The following FAM20A variants were observed in gnomAD, a reference collection of about 807,000 sequenced individuals.
FAM20A encodes FAM20A golgi associated secretory pathway pseudokinase, also known as pseudokinase FAM20A.
FAM20A carries 42 observed loss-of-function variants against 52.0 expected under a neutral mutation model. The ratio of observed to expected loss-of-function variants is 0.81; its 90% CI spans 0.63 to 1.04. The LOEUF (loss-of-function observed/expected upper bound fraction) is 1.04, where lower values mean the gene tolerates loss of function less well. FAM20A is among the 50% of genes least tolerant of loss of function. The pLI, the probability that FAM20A is intolerant of heterozygous loss-of-function variation, is 0.00. For missense variants in FAM20A, 742 were observed against 712.7 expected, an observed-to-expected ratio of 1.04 and a Z score of -0.47; for synonymous variants, 304 against 298.9, an observed-to-expected ratio of 1.02 and a Z score of -0.18.
intron 1 of FAM20A, among the ~76,000 whole-genome samples, chr17:68,575,745 T>C (rs2087743089): frequency 1.5e-5 from 2 of 129,752 alleles, no homozygotes; most frequent in Non-Finnish European, 3.1e-5. Flanking sequence ...ATATATTTTA[T>C]ATATTATATA....
chr17:68,594,911 G>A (rs1358982431), intron 1 of FAM20A, among the ~76,000 whole-genome samples: 3 of 152,170 alleles, frequency 2.0e-5, no homozygotes, highest in East Asian at 3.9e-4. Flanking sequence ...TAACTGGTAC[G>A]GGGCCTTAAT....
chr17:68,553,107 G>A (rs1265184225), intron 3 of FAM20A, among the ~76,000 whole-genome samples: 1 of 152,186 alleles, frequency 6.6e-6, no homozygotes, highest in East Asian at 1.9e-4. Flanking sequence ...TGCTGTGAGA[G>A]GTGGTTGGAT....
Position 68,548,725 on chromosome 17 carries a change from ATTTTTTT to A in FAM20A, c.719+3141_719+3147del, listed in dbSNP as rs753348891. Among the ~76,000 whole-genome samples the A allele has an allele frequency of 1.9e-4, 15 of 79,180 alleles. No homozygotes were observed. In the South Asian group the frequency reaches 6.5e-3, roughly 34 times the overall value. 51.9% of individuals were successfully genotyped at this position (79,180 alleles called of 152,430 possible). A position where few individuals can be genotyped will look rare whatever the true frequency, so the allele number is the denominator to read the frequency against. On this transcript the variant is annotated intron_variant, in intron 4 of 10. Coordinates refer to ENST00000592554, the MANE Select transcript of FAM20A (RefSeq NM_017565.4). ...CAGATACAGCGAGCTATGCCTGTAT[ATTTTTTT>A]TTTTTTTTTTTTTTTTTTGAGACAG...
intron 1 of FAM20A, among the ~76,000 whole-genome samples, chr17:68,580,884 T>G (rs1343766516): frequency 6.6e-6 from 1 of 152,130 alleles, no homozygotes; most frequent in Non-Finnish European, 1.5e-5. Flanking sequence ...GGGAACCAGA[T>G]ATAGGCAGCA....
Position 68,544,465 on chromosome 17 carries a change from C to T in FAM20A, c.720-744G>A, listed in dbSNP as rs551091182. On this transcript the variant is annotated intron_variant, in intron 4 of 10. Coordinates refer to ENST00000592554, the MANE Select transcript of FAM20A (RefSeq NM_017565.4). ...CCTCTAGGCTGACTTTGCCTCGAGGCTAATAAACATGGAAGAATGATGATC... is the reference window on the plus strand; with the variant it reads ...CCTCTAGGCTGACTTTGCCTCGAGGTTAATAAACATGGAAGAATGATGATC... Among the ~76,000 whole-genome samples the T allele has an allele frequency of 1.2e-4, 19 of 152,116 alleles. No individual in the cohort carries two copies. In the South Asian group the frequency reaches 2.3e-3, roughly 18 times the overall value.
At chr17:68,580,225 T>C (rs2087902164) in intron 1 of FAM20A, among the ~76,000 whole-genome samples, 2 of 152,216 alleles carry the variant, frequency 1.3e-5, no homozygotes, top group African/African-American at 4.8e-5. Flanking sequence ...AAGAATTTAA[T>C]TTGAATTTCC....
chr17:68,542,660 C>T, intron 6 of FAM20A, 34 bp downstream of exon 6: 1 of 1,545,976 alleles, frequency 6.5e-7, no homozygotes, highest in Non-Finnish European at 8.9e-7. Context: ...ACGATCTACT[C>T]AGACCCGGAA....
chr17:68,553,523 G>A (rs1341059870), intron 3 of FAM20A, among the ~76,000 whole-genome samples: 1 of 152,076 alleles, frequency 6.6e-6, no homozygotes, highest in African/African-American at 2.4e-5. Context: ...TTAGGGTCCA[G>A]ACCCACCTAT....
At chr17:68,558,834 C>A (rs1370923914) in intron 1 of FAM20A, among the ~76,000 whole-genome samples, 1 of 152,126 alleles carries the variant, frequency 6.6e-6, no homozygotes, top group African/African-American at 2.4e-5. Flanking sequence ...TCTTGGCTCA[C>A]TGCAACCTCT....
At position 68,537,041 on chromosome 17, in the gene FAM20A, C is replaced by T; in HGVS notation, c.*436G>A. ...GCCCAAAGTGCAGATTTTTAGTCAGCTTGTGATAGGCCAGGTGTTTTGTCT... is the reference window on the plus strand; with the variant it reads ...GCCCAAAGTGCAGATTTTTAGTCAGTTTGTGATAGGCCAGGTGTTTTGTCT... On this transcript the variant is annotated 3_prime_UTR_variant, in exon 11 of 11. Coordinates refer to ENST00000592554, the MANE Select transcript of FAM20A (RefSeq NM_017565.4). The surrounding 1 kb of genome is among the most constrained non-coding windows in gnomAD (Gnocchi z 4.2). The T allele has an allele frequency of 2.2e-6, 1 of 456,158 alleles. No homozygotes were observed. The highest frequency in any genetic ancestry group is 4.4e-6 in the Non-Finnish European group (1 of 228,288). The allele number at this position is 456,158 out of a possible 1,614,324, so 28.3% of individuals were successfully genotyped here.
intron 1 of FAM20A, among the ~76,000 whole-genome samples, chr17:68,568,425 G>GGTT (rs2087442266): frequency 6.6e-6 from 1 of 151,592 alleles, no homozygotes; most frequent in Non-Finnish European, 1.5e-5. Flanking sequence ...CGGAGATCGC[G>GGTT]TCACTGCACT....
intron 4 of FAM20A, among the ~76,000 whole-genome samples, chr17:68,545,796 A>G (rs2086527527): frequency 6.6e-6 from 1 of 152,210 alleles, no homozygotes; most frequent in African/African-American, 2.4e-5. Context: ...CTCTGTGGCC[A>G]TCTCAACAAT....
intron 3 of FAM20A, among the ~76,000 whole-genome samples, chr17:68,553,760 A>G (rs1278680421): frequency 7.7e-6 from 1 of 129,776 alleles, no homozygotes; most frequent in East Asian, 2.0e-4. Context: ...ATATATACAT[A>G]TATATACATA....
chr17:68,559,670 A>G lies in FAM20A; in HGVS notation c.405-3927T>C, dbSNP rs142803200. 5.5e-3 allele frequency among the ~76,000 whole-genome samples: 832 copies of G among 152,354 alleles called. 6 individuals are homozygous for G. The highest frequency in any genetic ancestry group is 0.018 in the African/African-American group (768 of 41,578). On this transcript the variant is annotated intron_variant, in intron 1 of 10. Transcript: ENST00000592554. Reference sequence around the variant, plus strand: ...TTTTTTAAGTAGCAAATGCATTTACATGGCTCAAAATGTTAAATGTCAAGA... The same window carrying G: ...TTTTTTAAGTAGCAAATGCATTTACGTGGCTCAAAATGTTAAATGTCAAGA...
chr17:68,563,575 C>A (rs1030695256), intron 1 of FAM20A, among the ~76,000 whole-genome samples: 8 of 147,852 alleles, frequency 5.4e-5, no homozygotes, highest in African/African-American at 2.0e-4. Context: ...TTTTTAGGGG[C>A]TTTTTTTTTT....
rs753365633 is a variant in FAM20A at position 68,537,062 on chromosome 17, T to C, written c.*415A>G. 4 of 457,858 alleles carry C rather than the reference T, an allele frequency of 8.7e-6. No individual in the cohort carries two copies. The highest frequency in any genetic ancestry group is 6.2e-5 in the South Asian group (4 of 64,514). 28.4% of individuals were successfully genotyped at this position (457,858 alleles called of 1,614,324 possible). ...TCAGCTTGTGATAGGCCAGGTGTTT[T>C]GTCTGGACCAGGAGTTATCTTTGAC... On this transcript the variant is annotated 3_prime_UTR_variant, in exon 11 of 11. Transcript: ENST00000592554. The surrounding 1 kb of genome is among the most constrained non-coding windows in gnomAD (Gnocchi z 4.2).
intron 1 of FAM20A, among the ~76,000 whole-genome samples, chr17:68,568,580 A>G (rs977216725): frequency 3.3e-5 from 5 of 151,918 alleles, no homozygotes; most frequent in Non-Finnish European, 5.9e-5. Flanking sequence ...TCAAGACTTT[A>G]TGCTTTCTGG....
intron 9 of FAM20A, among the ~76,000 whole-genome samples, chr17:68,539,647 G>A (rs533834259): frequency 2.5e-4 from 38 of 152,338 alleles, no homozygotes; most frequent in Admixed American, 7.8e-4. Flanking sequence ...CCTTGCTCTC[G>A]AAAACCTCAC....
chr17:68,539,469 C>T, intron 9 of FAM20A, 73 bp from the exon 10 acceptor site: 1 of 1,376,126 alleles, frequency 7.3e-7, no homozygotes, highest in Non-Finnish European at 1.0e-6. Context: ...CCTCTCTCCT[C>T]TCAGCATTTT....
Sources: allele counts gnomAD v4.1 joint callset (sites outside exome capture counted in the v4.1 genomes callset), GRCh38; gene constraint gnomAD v4.1.1; non-coding constraint Gnocchi (gnomAD v3.1); transcripts MANE v1.5; gene names NCBI Gene and HGNC (gene_info 2026-07-23, HGNC 2026-07-21).